The following PTPRG variants were observed in gnomAD, a reference collection of about 807,000 sequenced individuals.
PTPRG encodes protein tyrosine phosphatase receptor type G.
A neutral mutation model predicts 165.3 loss-of-function variants in PTPRG; 102 were observed. The observed-to-expected ratio is 0.62, with a 90% CI of 0.53 to 0.73. PTPRG has a LOEUF of 0.73. Ranked by LOEUF, PTPRG falls within the 30% of genes least tolerant of loss-of-function variation. The probability of loss-of-function intolerance (pLI) is 0.00; values close to 1 mark genes in which losing one functional copy is unlikely to be tolerated. For missense variants in PTPRG, 1,866 were observed against 1,861.4 expected (o/e 1.00, Z -0.05); for synonymous variants, 675 against 669.5 (o/e 1.01, Z -0.13).
intron 2 of PTPRG, among the ~76,000 whole-genome samples, chr3:61,955,921 C>T (rs1402227118): frequency 6.6e-6 from 1 of 151,994 alleles, no homozygotes; most frequent in Non-Finnish European, 1.5e-5. Context: ...TTGTTCTTTA[C>T]TCCTAAAATA....
chr3:61,887,695 T>G (rs2038090222), intron 2 of PTPRG, among the ~76,000 whole-genome samples: 1 of 149,324 alleles, frequency 6.7e-6, no homozygotes, highest in Non-Finnish European at 1.5e-5. Context: ...AGACCTTGAT[T>G]ATGGATGATG....
At chr3:62,291,368 A>G (rs1046089199) in intron 28 of PTPRG, among the ~76,000 whole-genome samples, 4 of 152,130 alleles carry the variant, frequency 2.6e-5, no homozygotes, top group Non-Finnish European at 5.9e-5. Context: ...GCTAAAGTGC[A>G]CAAATTCAAA....
chr3:62,007,907 C>T (rs751067405), intron 4 of PTPRG, among the ~76,000 whole-genome samples: 1 of 152,196 alleles, frequency 6.6e-6, no homozygotes, highest in Non-Finnish European at 1.5e-5. Flanking sequence ...GTCTCTTCTT[C>T]CAAATGTCTG....
chr3:62,057,762 G>C (rs1320772685), intron 4 of PTPRG, among the ~76,000 whole-genome samples: 1 of 152,116 alleles, frequency 6.6e-6, no homozygotes, highest in Non-Finnish European at 1.5e-5. Context: ...ATTCCAAAAA[G>C]GTAATGCCCA....
chr3:62,090,638 T>C (rs1411526415), intron 5 of PTPRG, among the ~76,000 whole-genome samples: 1 of 152,230 alleles, frequency 6.6e-6, no homozygotes, highest in African/African-American at 2.4e-5. Flanking sequence ...TGTCTGACTC[T>C]CTTTGAATAT....
At chr3:61,960,765 A>G (rs1425086707) in intron 2 of PTPRG, among the ~76,000 whole-genome samples, 1 of 152,134 alleles carries the variant, frequency 6.6e-6, no homozygotes. Flanking sequence ...TTATAGCTTT[A>G]TAATGGGTCT....
At chr3:61,573,377 T>A (rs1212545163) in intron 1 of PTPRG, among the ~76,000 whole-genome samples, 1 of 152,178 alleles carries the variant, frequency 6.6e-6, no homozygotes, top group Non-Finnish European at 1.5e-5. Flanking sequence ...ATTGCTGCCC[T>A]CCTAATTTTT....
At chr3:62,045,536 A>G (rs1245633756) in intron 4 of PTPRG, among the ~76,000 whole-genome samples, 1 of 152,202 alleles carries the variant, frequency 6.6e-6, no homozygotes, top group East Asian at 1.9e-4. Flanking sequence ...TTAGATTTAA[A>G]TCTCTGCAAA....
intron 17 of PTPRG, 162 bp downstream of exon 17, chr3:62,263,056 AT>A: frequency 1.8e-6 from 1 of 570,792 alleles, no homozygotes; most frequent in East Asian, 3.1e-5. Flanking sequence ...AAGTTGGGAC[AT>A]TTTCTTCCCC....
intron 2 of PTPRG, among the ~76,000 whole-genome samples, chr3:61,751,527 G>T (rs143278052): frequency 6.6e-6 from 1 of 152,158 alleles, no homozygotes; most frequent in Non-Finnish European, 1.5e-5. Context: ...CTTTAGGGGT[G>T]CAGTGTGTGA....
chr3:61,949,541 T>C (rs1397129833), intron 2 of PTPRG, among the ~76,000 whole-genome samples: 1 of 152,130 alleles, frequency 6.6e-6, no homozygotes, highest in East Asian at 1.9e-4. Context: ...TTACCTTTTA[T>C]GCAACTCACC....
rs142932181 is a variant in PTPRG at position 62,120,980 on chromosome 3, T to C, written c.616-11622T>C. Reference sequence around the variant, plus strand: ...TTTTTTTTCACAAGACAGCCAGCTCTGTCGCCCAGGCTGGAGTGCAGTGGC... The same window carrying C: ...TTTTTTTTCACAAGACAGCCAGCTCCGTCGCCCAGGCTGGAGTGCAGTGGC... On this transcript the variant is annotated intron_variant, in intron 5 of 29. Transcript: ENST00000474889. 2.2e-3 allele frequency among the ~76,000 whole-genome samples: 335 copies of C among 151,938 alleles called. 2 individuals are homozygous for C. The highest frequency in any genetic ancestry group is 7.5e-3 in the African/African-American group (312 of 41,490).
rs11329820 is a variant in PTPRG at position 61,820,603 on chromosome 3, G to GTTTTTTTTTT, written c.190+71638_190+71647dup. ...TTTAATTTCTTGTTCCTGTGTCTCT[G>GTTTTTTTTTT]TTTTTTTTTTTTTTTTTTTTTTTTT... On this transcript the variant is annotated intron_variant, in intron 2 of 29. Transcript: ENST00000474889. Among the ~76,000 whole-genome samples the GTTTTTTTTTT allele has an allele frequency of 1.6e-3, 106 of 65,724 alleles. 2 individuals are homozygous for GTTTTTTTTTT. The highest frequency in any genetic ancestry group is 6.4e-3 in the South Asian group (9 of 1,408). 43.1% of individuals were successfully genotyped at this position (65,724 alleles called of 152,430 possible).
rs1317428103 is a variant in PTPRG at position 62,217,609 on chromosome 3, C to G, written c.2156-1242C>G. 1 of 152,300 alleles carries G rather than the reference C, an allele frequency of 6.6e-6. No homozygotes were observed. The highest frequency in any genetic ancestry group is 1.5e-5 in the Non-Finnish European group (1 of 68,130). The allele number at this position is 152,300 out of a possible 1,614,324, so 9.4% of individuals were successfully genotyped here. A position where few individuals can be genotyped will look rare whatever the true frequency, so the allele number is the denominator to read the frequency against. On this transcript the variant is annotated intron_variant, in intron 12 of 29. Transcript: ENST00000474889. The surrounding 1 kb of genome is among the most constrained non-coding windows in gnomAD (Gnocchi z 4.3). ...GTGCAGGAGGAATCCTTGCTGGGCT[C>G]AAGTCAGCCTGCAGCCAATGTTAGA...
At chr3:61,738,311 T>TATACAC (rs2032829615) in intron 1 of PTPRG, among the ~76,000 whole-genome samples, 1 of 81,476 alleles carries the variant, frequency 1.2e-5, no homozygotes, top group East Asian at 2.9e-4. Flanking sequence ...TATATATATA[T>TATACAC]ACATATATAT....
chr3:61,788,446 G>A (rs1230038149), intron 2 of PTPRG, among the ~76,000 whole-genome samples: 1 of 152,188 alleles, frequency 6.6e-6, no homozygotes, highest in African/African-American at 2.4e-5. Context: ...GAATGCCTGT[G>A]ACATTTTGAG....
intron 2 of PTPRG, among the ~76,000 whole-genome samples, chr3:61,910,540 T>G (rs1023978943): frequency 6.6e-6 from 1 of 152,198 alleles, no homozygotes; most frequent in African/African-American, 2.4e-5. Context: ...TATTGCCTGT[T>G]CCAATTTGTT....
At chr3:61,899,518 C>A (rs1005032046) in intron 2 of PTPRG, among the ~76,000 whole-genome samples, 2 of 152,062 alleles carry the variant, frequency 1.3e-5, no homozygotes, top group South Asian at 4.2e-4. Flanking sequence ...AGAGAGCTGT[C>A]GGTTTCTGCT....
chr3:62,004,696 C>T (rs1051164482), intron 4 of PTPRG, among the ~76,000 whole-genome samples: 1 of 152,194 alleles, frequency 6.6e-6, no homozygotes, highest in Admixed American at 6.5e-5. Context: ...GGACCTAGAC[C>T]GAACCCCTGG....
Sources: allele counts gnomAD v4.1 joint callset (sites outside exome capture counted in the v4.1 genomes callset), GRCh38; gene constraint gnomAD v4.1.1; non-coding constraint Gnocchi (gnomAD v3.1); transcripts MANE v1.5; gene names NCBI Gene and HGNC (gene_info 2026-07-23, HGNC 2026-07-21).